STK32B: variants seen among roughly 807,000 people sequenced by gnomAD.
STK32B encodes the protein serine/threonine-protein kinase 32B.
A neutral mutation model predicts 52.6 loss-of-function variants in STK32B; 43 were observed. That is an observed-to-expected ratio of 0.82 (90% CI 0.64 to 1.05). The LOEUF is 1.05. Ranked by LOEUF, STK32B falls within the 50% of genes least tolerant of loss-of-function variation. STK32B has a pLI of 0.00. For missense variants in STK32B, 621 were observed against 534.6 expected, an observed-to-expected ratio of 1.16 and a Z score of -1.59; for synonymous variants, 238 against 204.3, an observed-to-expected ratio of 1.17 and a Z score of -1.41.
At chr4:5,365,171 C>G (rs547216881) in intron 4 of STK32B, among the ~76,000 whole-genome samples, 1 of 152,138 alleles carries the variant, frequency 6.6e-6, no homozygotes, top group Non-Finnish European at 1.5e-5. Flanking sequence ...GCCACAGCAT[C>G]GGGCCAAAAA....
intron 1 of STK32B, 161 bp from the exon 2 acceptor site, chr4:5,139,744 A>G (rs1295206792): frequency 7.3e-6 from 5 of 685,936 alleles, no homozygotes; most frequent in African/African-American, 3.6e-5. Flanking sequence ...ATGTGCTGCA[A>G]ATTCCCCTGT....
chr4:5,213,580 G>A (rs1723024053), intron 3 of STK32B, among the ~76,000 whole-genome samples: 1 of 152,182 alleles, frequency 6.6e-6, no homozygotes, highest in East Asian at 1.9e-4. Context: ...AACACGGTTT[G>A]GGTGGCTTAG....
chr4:5,340,077 C>A (rs74421399), intron 4 of STK32B, among the ~76,000 whole-genome samples: 2 of 152,188 alleles, frequency 1.3e-5, no homozygotes, highest in African/African-American at 4.8e-5. Flanking sequence ...TGTTTTAAAG[C>A]AATTAGAAGA....
chr4:5,269,054 C>T (rs1294104924), intron 3 of STK32B, among the ~76,000 whole-genome samples: 1 of 152,020 alleles, frequency 6.6e-6, no homozygotes, highest in Non-Finnish European at 1.5e-5. Flanking sequence ...GTAGAAGAGA[C>T]AGAATTGAGA....
chr4:5,154,336 C>G (rs778019972), intron 2 of STK32B, among the ~76,000 whole-genome samples: 1 of 151,964 alleles, frequency 6.6e-6, no homozygotes, highest in Non-Finnish European at 1.5e-5. Context: ...CTGCCTCAGC[C>G]TCCCAAGTAG....
chr4:5,361,942 A>G (rs900450063), intron 4 of STK32B, among the ~76,000 whole-genome samples: 1 of 152,234 alleles, frequency 6.6e-6, no homozygotes, highest in South Asian at 2.1e-4. Context: ...GAAGATGCTA[A>G]CCATTAGAAT....
intron 3 of STK32B, among the ~76,000 whole-genome samples, chr4:5,242,910 G>C (rs1374573466): frequency 6.6e-6 from 1 of 152,102 alleles, no homozygotes; most frequent in Admixed American, 6.6e-5. Context: ...TTATTTCTGA[G>C]GCCTCTGTTG....
intron 1 of STK32B, among the ~76,000 whole-genome samples, chr4:5,089,217 T>C (rs970631358): frequency 6.9e-6 from 1 of 144,108 alleles, no homozygotes; most frequent in Non-Finnish European, 1.6e-5. Flanking sequence ...TTCTTTTTTT[T>C]CTTTATTCTA....
chr4:5,447,497 G>T (rs1044166113), intron 7 of STK32B, among the ~76,000 whole-genome samples: 1 of 152,018 alleles, frequency 6.6e-6, no homozygotes, highest in Admixed American at 6.6e-5. Context: ...ATAGCTGAGC[G>T]TGGTGGCACT....
chr4:5,218,379 A>G (rs573420918), intron 3 of STK32B, among the ~76,000 whole-genome samples: 2 of 152,342 alleles, frequency 1.3e-5, no homozygotes, highest in East Asian at 3.9e-4. Flanking sequence ...GGAAAGAATA[A>G]CATCTTGGAA....
intron 4 of STK32B, among the ~76,000 whole-genome samples, chr4:5,355,195 G>A (rs1220916762): frequency 6.6e-6 from 1 of 152,222 alleles, no homozygotes; most frequent in Non-Finnish European, 1.5e-5. Context: ...GAAATAACGT[G>A]TGATGCATGT....
chr4:5,381,572 G>A (rs989987342), intron 4 of STK32B, among the ~76,000 whole-genome samples: 3 of 152,202 alleles, frequency 2.0e-5, no homozygotes, highest in Non-Finnish European at 2.9e-5. Context: ...CTAGGGGCTG[G>A]CCATCTTTGT....
At chr4:5,288,989 T>G (rs1176551164) in intron 3 of STK32B, among the ~76,000 whole-genome samples, 3 of 152,214 alleles carry the variant, frequency 2.0e-5, no homozygotes, top group African/African-American at 7.2e-5. Context: ...TCCAGCACCA[T>G]TTGTTGAAAA....
intron 1 of STK32B, among the ~76,000 whole-genome samples, chr4:5,092,896 G>A (rs147866558): frequency 2.0e-5 from 3 of 152,210 alleles, no homozygotes; most frequent in East Asian, 1.9e-4. Flanking sequence ...GTATCACATC[G>A]TGAATTTACA....
At chr4:5,130,097 C>T (rs143377898) in intron 1 of STK32B, among the ~76,000 whole-genome samples, 16 of 151,474 alleles carry the variant, frequency 1.1e-4, no homozygotes, top group East Asian at 1.9e-4. Context: ...ACAAAAGAAA[C>T]GGCAGTGAGG....
chr4:5,165,534 G>A (rs1288436492), intron 2 of STK32B, among the ~76,000 whole-genome samples: 1 of 152,186 alleles, frequency 6.6e-6, no homozygotes, highest in East Asian at 1.9e-4. Flanking sequence ...CCAGCTGACA[G>A]CCAGGTCCCA....
At chr4:5,052,976 G>C (rs1347299379) in intron 1 of STK32B, among the ~76,000 whole-genome samples, 3 of 152,172 alleles carry the variant, frequency 2.0e-5, no homozygotes, top group African/African-American at 7.2e-5. Context: ...AAGTAGAGCT[G>C]GGCTTGAGGC....
chr4:5,134,244 A>G (rs1715937179), intron 1 of STK32B, among the ~76,000 whole-genome samples: 1 of 152,178 alleles, frequency 6.6e-6, no homozygotes, highest in Non-Finnish European at 1.5e-5. Flanking sequence ...TGTGTTGGAA[A>G]CTAAATTTCT....
chr4:5,156,604 A>G (rs193179714), intron 2 of STK32B, among the ~76,000 whole-genome samples: 19 of 152,294 alleles, frequency 1.2e-4, no homozygotes, highest in Non-Finnish European at 2.4e-4. Context: ...GGGAAGGAGG[A>G]GGATACCTTT....
Sources: allele counts gnomAD v4.1 joint callset (sites outside exome capture counted in the v4.1 genomes callset), GRCh38; gene constraint gnomAD v4.1.1; transcripts MANE v1.5; gene names NCBI Gene and HGNC (gene_info 2026-07-23, HGNC 2026-07-21).